Variants in PDE1C observed in about 807,000 individuals in gnomAD.
PDE1C encodes dual specificity calcium/calmodulin-dependent 3',5'-cyclic nucleotide phosphodiesterase 1C.
Under a neutral mutation model 93.1 loss-of-function variants are expected in PDE1C, and 62 were observed. The observed-to-expected ratio is 0.67, with a 90% confidence interval of 0.54 to 0.82. The LOEUF is 0.82. PDE1C is among the 40% of genes least tolerant of loss of function. The pLI is 0.00. For missense variants in PDE1C, 742 were observed against 884.6 expected, an observed-to-expected ratio of 0.84 and a Z score of 2.04; for synonymous variants, 325 against 310.1, an observed-to-expected ratio of 1.05 and a Z score of -0.50.
intron 2 of PDE1C, among the ~76,000 whole-genome samples, chr7:31,988,112 C>A (rs974713237): frequency 7.2e-5 from 11 of 152,180 alleles, no homozygotes; most frequent in African/African-American, 2.7e-4. Context: ...GTCTCATAAG[C>A]AATATCTTGC....
At chr7:31,978,603 T>C (rs902132411) in intron 2 of PDE1C, among the ~76,000 whole-genome samples, 1 of 151,874 alleles carries the variant, frequency 6.6e-6, no homozygotes, top group African/African-American at 2.4e-5. Flanking sequence ...TCAGGTGGAG[T>C]GGAAGGAAGC....
chr7:32,036,005 A>C (rs1041781283), intron 2 of PDE1C, among the ~76,000 whole-genome samples: 1 of 152,176 alleles, frequency 6.6e-6, no homozygotes, highest in East Asian at 1.9e-4. Context: ...AGAGTGGGGC[A>C]AGCTCAGAGA....
intron 2 of PDE1C, among the ~76,000 whole-genome samples, chr7:31,991,936 G>A (rs867202595): frequency 5.9e-5 from 9 of 152,158 alleles, no homozygotes; most frequent in East Asian, 1.9e-4. Flanking sequence ...CCTAACAGAC[G>A]CAAAGCTATT....
chr7:32,210,601 G>C (rs1214916074), intron 1 of PDE1C, among the ~76,000 whole-genome samples: 15 of 152,092 alleles, frequency 9.9e-5, no homozygotes, highest in Non-Finnish European at 2.2e-4. Flanking sequence ...TACTGCATTT[G>C]AGCAATTTTT....
intron 1 of PDE1C, among the ~76,000 whole-genome samples, chr7:32,211,933 G>A (rs1806062951): frequency 1.4e-5 from 2 of 146,934 alleles, no homozygotes; most frequent in Middle Eastern, 3.3e-3. Flanking sequence ...AGCTGCAGCA[G>A]AAGGATCACT....
intron 3 of PDE1C, among the ~76,000 whole-genome samples, chr7:32,120,750 C>T (rs1009495612): frequency 6.6e-6 from 1 of 152,094 alleles, no homozygotes; most frequent in Non-Finnish European, 1.5e-5. Flanking sequence ...TGAAACTAAA[C>T]AAACTCATGA....
At chr7:31,817,902 C>T (rs1419456542) in intron 14 of PDE1C, among the ~76,000 whole-genome samples, 1 of 152,090 alleles carries the variant, frequency 6.6e-6, no homozygotes, top group African/African-American at 2.4e-5. Flanking sequence ...TAGTCTACTT[C>T]TCCTGACTTT....
At chr7:31,687,448 A>G in the PDE1C span, 4,648 of 152,434 alleles carry the variant, frequency 0.03, 83 homozygotes, top group Non-Finnish European at 0.043. Flanking sequence ...CCGAGTGGAC[A>G]GCAGAAAAAG....
chr7:31,682,797 AAG>A, the PDE1C span, among the ~76,000 whole-genome samples: 5 of 152,222 alleles, frequency 3.3e-5, no homozygotes, highest in Non-Finnish European at 5.9e-5. Flanking sequence ...CAGCAATAAA[AAG>A]GAATGAACTA....
At chr7:31,616,790 T>G in the PDE1C span, among the ~76,000 whole-genome samples, 2 of 108,240 alleles carry the variant, frequency 1.8e-5, no homozygotes, top group East Asian at 1.9e-4. Flanking sequence ...GTTTCTAAAT[T>G]TCATTTTTTG....
chr7:32,094,073 T>C (rs559130900), intron 3 of PDE1C, among the ~76,000 whole-genome samples: 3 of 152,320 alleles, frequency 2.0e-5, no homozygotes, highest in South Asian at 4.1e-4. Flanking sequence ...CTCGCAAGTG[T>C]CCCCCATGGC....
chr7:31,865,089 G>A lies in PDE1C; in HGVS notation c.610-7C>T. Reference sequence around the variant, plus strand: ...CAAGTGCAGAAATGGGGATCTGAAAGAGAGCAGTAAGGTTAATTAACTAGT... The same window carrying A: ...CAAGTGCAGAAATGGGGATCTGAAAAAGAGCAGTAAGGTTAATTAACTAGT... On this transcript the variant is annotated splice_polypyrimidine_tract_variant and splice_region_variant and intron_variant, in intron 6 of 17. Coordinates refer to ENST00000396191, the MANE Select transcript of PDE1C (RefSeq NM_001191057.4). 1.9e-6 allele frequency: 3 copies of A among 1,614,022 alleles called. No homozygotes were observed. The highest frequency in any genetic ancestry group is 2.5e-6 in the Non-Finnish European group (3 of 1,179,920).
chr7:32,338,912 A>G (rs954116638), intron 1 of PDE1C, among the ~76,000 whole-genome samples: 19 of 151,966 alleles, frequency 1.3e-4, no homozygotes, highest in Non-Finnish European at 2.8e-4. Flanking sequence ...CTGAGGCAGG[A>G]GAATGGCATG....
At position 31,936,191 on chromosome 7, in the gene PDE1C, TCAA is replaced by T. The variant is rs567643903; in HGVS notation, c.129-55334_129-55332del. Among the ~76,000 whole-genome samples, 184 of 152,276 alleles carry T rather than the reference TCAA, an allele frequency of 1.2e-3. 1 individual carries two copies. Among genetic ancestry groups the T allele is most frequent in the African/African-American group, 4.3e-3 (180 of 41,568 alleles). ...GACGGAATCACACATGGCTATATAC[TCAA>T]CATTTGTTGAGTCATTATTAAGCAG... On this transcript the variant is annotated intron_variant, in intron 2 of 17. Transcript: ENST00000396191.
the PDE1C span, among the ~76,000 whole-genome samples, chr7:31,732,636 T>TGTGTGTGTG: frequency 1.3e-4 from 13 of 103,204 alleles, no homozygotes; most frequent in African/African-American, 3.7e-4. Flanking sequence ...TCTCCTCTCT[T>TGTGTGTGTG]TCTGTGTGTG....
chr7:32,304,911 C>T (rs185620162), intron 1 of PDE1C, among the ~76,000 whole-genome samples: 1 of 152,272 alleles, frequency 6.6e-6, no homozygotes, highest in Non-Finnish European at 1.5e-5. Context: ...CACTAGCATA[C>T]TAGGTCCCTT....
the PDE1C span, among the ~76,000 whole-genome samples, chr7:31,722,280 T>C: frequency 0.11 from 16,490 of 152,206 alleles, 1,031 homozygotes; most frequent in East Asian, 0.23. Flanking sequence ...ACATTAGTTC[T>C]GAAACTAAGG....
intron 6 of PDE1C, among the ~76,000 whole-genome samples, chr7:31,873,004 C>G (rs1009950285): frequency 2.0e-5 from 3 of 152,104 alleles, no homozygotes; most frequent in African/African-American, 7.2e-5. Context: ...TTGGGCAGAG[C>G]CTGAAAGGGA....
chr7:32,057,318 G>A (rs1386249455), intron 1 of PDE1C, among the ~76,000 whole-genome samples: 1 of 152,122 alleles, frequency 6.6e-6, no homozygotes, highest in Non-Finnish European at 1.5e-5. Context: ...AAGACCACTA[G>A]TCTTAATGTC....
Sources: gnomAD v4.1 joint callset for allele counts (sites outside exome capture counted in the v4.1 genomes callset) on GRCh38, gnomAD v4.1.1 for gene constraint, MANE v1.5 for transcripts, NCBI Gene and HGNC (gene_info 2026-07-23, HGNC 2026-07-21) for gene names.